Variants in GUCD1 observed in about 807,000 individuals in gnomAD.
GUCD1 encodes guanylyl cyclase domain containing 1, also known as protein GUCD1.
In GUCD1, 17 loss-of-function variants were observed where a neutral mutation model predicts 28.3. The ratio of observed to expected loss-of-function variants is 0.60; its 90% CI spans 0.41 to 0.90. The LOEUF (loss-of-function observed/expected upper bound fraction) is 0.90, where lower values mean the gene tolerates loss of function less well. Ranked by LOEUF, GUCD1 falls within the 40% of genes least tolerant of loss-of-function variation. The probability of loss-of-function intolerance (pLI) is 0.00; values close to 1 mark genes in which losing one functional copy is unlikely to be tolerated. For synonymous variants in GUCD1, 129 were observed against 123.3 expected, an observed-to-expected ratio of 1.05 and a Z score of -0.30; for missense variants, 279 against 305.5, an observed-to-expected ratio of 0.91 and a Z score of 0.65.
At chr22:24,547,662 C>T in intron 3 of GUCD1, 1 of 488,006 alleles carries the variant, frequency 2.0e-6, no homozygotes. Flanking sequence ...CTGTAGAAGG[C>T]AGGTGGACAG....
At chr22:24,551,314 A>G (rs1156420010) in intron 1 of GUCD1, among the ~76,000 whole-genome samples, 1 of 152,182 alleles carries the variant, frequency 6.6e-6, no homozygotes, top group Admixed American at 6.5e-5. Context: ...TTCCCCTGCT[A>G]TCACTGCCAA....
chr22:24,555,313 G>T, upstream of GUCD1: 1 of 1,388,264 alleles, frequency 7.2e-7, no homozygotes, highest in Non-Finnish European at 9.3e-7. Context: ...CCCAATCCTC[G>T]CGCAGACGCG....
intron 3 of GUCD1, chr22:24,547,371 C>G (rs1301695620): frequency 4.3e-6 from 1 of 234,192 alleles, no homozygotes; most frequent in Non-Finnish European, 8.5e-6. Context: ...GACAGCTCAG[C>G]TACAGCTTGG....
Position 24,548,074 on chromosome 22 carries a change from C to T in GUCD1, c.129-1G>A. 6.2e-7 allele frequency: 1 copy of T among 1,613,506 alleles called. No homozygotes were observed. Among genetic ancestry groups the T allele is most frequent in the Non-Finnish European group, 8.5e-7 (1 of 1,179,694 alleles). ...ACTGTCGTCCAGCTGGCCCAGGTAC[C>T]TGCAGGTAGACGAGCTGGGGAGCTC... On this transcript the variant is annotated splice_acceptor_variant, in intron 2 of 5. Transcript: ENST00000435822. LOFTEE classifies it high-confidence loss of function.
At position 24,555,110 on chromosome 22, in the gene GUCD1, T is replaced by C. The variant is rs546714528; in HGVS notation, c.-119A>G. The C allele has an allele frequency of 1.5e-6, 2 of 1,313,436 alleles. No homozygotes were observed. Among genetic ancestry groups the C allele is most frequent in the Non-Finnish European group, 1.9e-6 (2 of 1,030,558 alleles). 81.4% of individuals were successfully genotyped at this position (1,313,436 alleles called of 1,614,324 possible). A position where few individuals can be genotyped will look rare whatever the true frequency, so the allele number is the denominator to read the frequency against. On this transcript the variant is annotated 5_prime_UTR_variant, in exon 1 of 6. Coordinates refer to ENST00000435822, the MANE Select transcript of GUCD1 (RefSeq NM_001284254.2). The stretch of plus-strand genomic sequence containing the variant: ...GTTCCTTCTCCGCCACCGCCGCCGC[T>C]GCGGAGGAGAGAACGGGAGGCGGCG...
intron 1 of GUCD1, among the ~76,000 whole-genome samples, chr22:24,551,398 C>A (rs1468727846): frequency 1.3e-5 from 2 of 152,218 alleles, no homozygotes; most frequent in Non-Finnish European, 2.9e-5. Flanking sequence ...CCTCTACATA[C>A]AGCAGCCGTA....
intron 2 of GUCD1, 60 bp from the exon 3 acceptor site, chr22:24,548,133 C>CCCT: frequency 2.0e-6 from 3 of 1,474,810 alleles, no homozygotes; most frequent in Non-Finnish European, 2.8e-6. Flanking sequence ...GTCTGAGTCA[C>CCCT]CCTCCACCCA....
intron 1 of GUCD1, among the ~76,000 whole-genome samples, chr22:24,551,407 T>C (rs1432781038): frequency 3.3e-5 from 5 of 152,200 alleles, no homozygotes; most frequent in African/African-American, 7.2e-5. Context: ...ACAGCAGCCG[T>C]AGGGATTCCC....
chr22:24,547,665 G>A (rs1278357594), intron 3 of GUCD1: 7 of 493,958 alleles, frequency 1.4e-5, no homozygotes, highest in African/African-American at 1.9e-5. Flanking sequence ...TAGAAGGCAG[G>A]TGGACAGGAG....
chr22:24,543,352 CG>C (rs1601532922), intron 5 of GUCD1, among the ~76,000 whole-genome samples: 1 of 152,132 alleles, frequency 6.6e-6, no homozygotes, highest in Non-Finnish European at 1.5e-5. Flanking sequence ...GCCACATAGA[CG>C]GGGTAAGTCT....
chr22:24,547,111 G>T, intron 3 of GUCD1, 106 bp from the exon 4 acceptor site: 1 of 867,420 alleles, frequency 1.2e-6, no homozygotes, highest in Non-Finnish European at 1.9e-6. Flanking sequence ...CAGCAGGAGG[G>T]CAGAGGAGCC....
intron 1 of GUCD1, among the ~76,000 whole-genome samples, chr22:24,553,469 G>A (rs183712669): frequency 1.3e-5 from 2 of 152,316 alleles, no homozygotes; most frequent in East Asian, 3.9e-4. Context: ...CCCAGAGTAG[G>A]CACTTAGATA....
rs1431421548 is a variant in GUCD1 at position 24,541,545 on chromosome 22, C to T, written c.*1461G>A. On this transcript the variant is annotated 3_prime_UTR_variant, in exon 6 of 6. Coordinates refer to ENST00000435822, the MANE Select transcript of GUCD1 (RefSeq NM_001284254.2). ...GTGGGGGGCTGAGGCAGGAGGATCGCTTGAACCCAGGAGGCGGAGGTTGTA... is the reference window on the plus strand; with the variant it reads ...GTGGGGGGCTGAGGCAGGAGGATCGTTTGAACCCAGGAGGCGGAGGTTGTA... The T allele has an allele frequency of 6.6e-6, 1 of 150,908 alleles. No individual in the cohort carries two copies. Among genetic ancestry groups the T allele is most frequent in the Non-Finnish European group, 1.5e-5 (1 of 67,990 alleles). The allele number at this position is 150,908 out of a possible 1,614,324, so 9.3% of individuals were successfully genotyped here. A position where few individuals can be genotyped will look rare whatever the true frequency, so the allele number is the denominator to read the frequency against.
chr22:24,555,892 G>A (rs1569022230), upstream of GUCD1: 1 of 1,500,450 alleles, frequency 6.7e-7, no homozygotes, highest in Non-Finnish European at 9.0e-7. Flanking sequence ...CAGGCGGAGT[G>A]AGGAGGAAGC....
chr22:24,555,809 C>T (rs377656284), upstream of GUCD1: 395 of 1,547,464 alleles, frequency 2.6e-4, 7 homozygotes, highest in South Asian at 3.8e-3. Flanking sequence ...GTTGCGGCGG[C>T]CCCCGGGCCC....
intron 1 of GUCD1, among the ~76,000 whole-genome samples, chr22:24,549,825 G>A (rs2044826502): frequency 6.6e-6 from 1 of 152,238 alleles, no homozygotes; most frequent in East Asian, 1.9e-4. Context: ...TGGCCAGCAG[G>A]GGCTGTTTTG....
In GUCD1 at chr22:24,542,820, A is replaced by G. The variant is rs752249088; in HGVS notation, c.*186T>C. The G allele has an allele frequency of 1.1e-5, 6 of 567,216 alleles. No homozygotes were observed. Among genetic ancestry groups the G allele is most frequent in the Admixed American group, 3.0e-5 (1 of 33,848 alleles). 35.1% of individuals were successfully genotyped at this position (567,216 alleles called of 1,614,324 possible). On this transcript the variant is annotated 3_prime_UTR_variant, in exon 6 of 6. Coordinates refer to ENST00000435822, the MANE Select transcript of GUCD1 (RefSeq NM_001284254.2). ...GGTGCTTGGGGTGAGTGACATGACA[A>G]CACACGGCACTGGCAGACAAAGCAG...
intron 5 of GUCD1, 113 bp downstream of exon 5, chr22:24,543,729 T>C (rs2044651810): frequency 7.5e-7 from 1 of 1,337,912 alleles, no homozygotes; most frequent in African/African-American, 1.4e-5. Flanking sequence ...GGGGAAAAGG[T>C]AGGGAGGGAG....
intron 1 of GUCD1, among the ~76,000 whole-genome samples, chr22:24,550,100 G>A (rs144881991): frequency 1.3e-5 from 2 of 152,354 alleles, no homozygotes; most frequent in East Asian, 1.9e-4. Context: ...CTGACCTAGC[G>A]TTCCAGTCTC....
Sources: gnomAD v4.1 joint callset for allele counts (sites outside exome capture counted in the v4.1 genomes callset) on GRCh38, gnomAD v4.1.1 for gene constraint, MANE v1.5 for transcripts, NCBI Gene and HGNC (gene_info 2026-07-23, HGNC 2026-07-21) for gene names.